Variants in KIAA1328 observed in about 807,000 individuals in gnomAD.
KIAA1328 encodes the protein protein hinderin.
KIAA1328 carries 52 observed loss-of-function variants against 68.1 expected under a neutral mutation model. The observed-to-expected ratio is 0.76, with a 90% CI of 0.61 to 0.96. The LOEUF is 0.96. KIAA1328 is among the 40% of genes least tolerant of loss of function. KIAA1328 has a pLI of 0.00. For synonymous variants in KIAA1328, 232 were observed against 239.4 expected (o/e 0.97, Z 0.28); for missense variants, 641 against 677.6 (o/e 0.95, Z 0.60).
chr18:36,903,283 C>T (rs1272636484), intron 5 of KIAA1328, among the ~76,000 whole-genome samples: 1 of 151,932 alleles, frequency 6.6e-6, no homozygotes, highest in Admixed American at 6.6e-5. Flanking sequence ...GAATTTTGTA[C>T]CAATTTTATT....
intron 5 of KIAA1328, among the ~76,000 whole-genome samples, chr18:36,947,817 G>A (rs543165336): frequency 3.1e-4 from 47 of 152,152 alleles, no homozygotes; most frequent in African/African-American, 1.0e-3. Context: ...TATATTTTGG[G>A]GTAAAACACT....
intron 6 of KIAA1328, among the ~76,000 whole-genome samples, chr18:36,974,399 G>A (rs1488208730): frequency 6.6e-6 from 1 of 151,990 alleles, no homozygotes; most frequent in Non-Finnish European, 1.5e-5. Context: ...GAGAACATGT[G>A]GTATTTTTCA....
intron 5 of KIAA1328, among the ~76,000 whole-genome samples, chr18:36,957,605 T>G (rs1485208328): frequency 6.6e-6 from 1 of 152,024 alleles, no homozygotes; most frequent in Non-Finnish European, 1.5e-5. Context: ...AGTAGGGAGG[T>G]ATGTGTTCAG....
Position 36,992,762 on chromosome 18 carries a change from G to A in KIAA1328, c.576+33327G>A, listed in dbSNP as rs140173953. Among the ~76,000 whole-genome samples the A allele has an allele frequency of 3.7e-3, 567 of 152,278 alleles. 2 individuals are homozygous for A. Among genetic ancestry groups the A allele is most frequent in the Non-Finnish European group, 5.9e-3 (399 of 68,012 alleles). On this transcript the variant is annotated intron_variant, in intron 6 of 9. Transcript: ENST00000280020. ...CCAGAGGATGAATGTTCCTGGCAGAGGGTGTAGCAGGTATTCCTGACAACT... is the reference window on the plus strand; with the variant it reads ...CCAGAGGATGAATGTTCCTGGCAGAAGGTGTAGCAGGTATTCCTGACAACT...
intron 9 of KIAA1328, among the ~76,000 whole-genome samples, chr18:37,178,787 A>G (rs112842997): frequency 2.0e-4 from 31 of 152,180 alleles, no homozygotes; most frequent in Middle Eastern, 3.4e-3. Flanking sequence ...GAGCAAAGTG[A>G]TATTTCATTG....
At chr18:37,193,490 G>C (rs2059946229) in intron 9 of KIAA1328, 1 of 652,060 alleles carries the variant, frequency 1.5e-6, no homozygotes, top group Non-Finnish European at 2.8e-6. Context: ...AAAACTTTGA[G>C]ACTCAGGAAA....
chr18:36,865,404 A>G (rs1409772222), intron 4 of KIAA1328, among the ~76,000 whole-genome samples: 2 of 152,100 alleles, frequency 1.3e-5, no homozygotes, highest in Non-Finnish European at 2.9e-5. Flanking sequence ...TAGTTCTATT[A>G]TGAATAGAGA....
intron 6 of KIAA1328, among the ~76,000 whole-genome samples, chr18:37,062,226 G>A (rs1193570005): frequency 6.6e-6 from 1 of 152,002 alleles, no homozygotes; most frequent in Admixed American, 6.6e-5. Context: ...ATTCACTTTA[G>A]AAGAAGTTTA....
intron 7 of KIAA1328, among the ~76,000 whole-genome samples, chr18:37,071,057 CT>C (rs58722044): frequency 7.3e-4 from 63 of 86,834 alleles, no homozygotes; most frequent in African/African-American, 9.6e-4. Context: ...TTTTTTCTTC[CT>C]TTTTTTTTTT....
chr18:36,944,298 G>A (rs374357535), intron 5 of KIAA1328, among the ~76,000 whole-genome samples: 1 of 151,956 alleles, frequency 6.6e-6, no homozygotes, highest in African/African-American at 2.4e-5. Context: ...GGTCATGGGG[G>A]CCAGGCGCGG....
At chr18:36,927,505 G>A (rs1166018759) in intron 5 of KIAA1328, among the ~76,000 whole-genome samples, 1 of 152,196 alleles carries the variant, frequency 6.6e-6, no homozygotes, top group African/African-American at 2.4e-5. Flanking sequence ...TCAACACTTT[G>A]GAAGGCTGCT....
chr18:37,193,803 T>A, intron 9 of KIAA1328: 1 of 595,034 alleles, frequency 1.7e-6, no homozygotes, highest in East Asian at 2.8e-5. Context: ...GGGTATATTT[T>A]CTGAAAAGTG....
At chr18:37,146,708 A>T (rs1312626986) in intron 7 of KIAA1328, among the ~76,000 whole-genome samples, 3 of 152,186 alleles carry the variant, frequency 2.0e-5, no homozygotes, top group Non-Finnish European at 2.9e-5. Flanking sequence ...TGATTTCTGT[A>T]GAGATTACAA....
chr18:37,121,238 A>G (rs1160186777), intron 7 of KIAA1328, among the ~76,000 whole-genome samples: 1 of 152,168 alleles, frequency 6.6e-6, no homozygotes, highest in Non-Finnish European at 1.5e-5. Flanking sequence ...ATATCCAACC[A>G]TTTGAAAAAC....
intron 6 of KIAA1328, among the ~76,000 whole-genome samples, chr18:37,031,972 GC>G (rs1208603356): frequency 4.6e-5 from 7 of 152,002 alleles, no homozygotes; most frequent in Admixed American, 4.6e-4. Flanking sequence ...TTCAAGACCA[GC>G]CTGGGCAACA....
intron 6 of KIAA1328, among the ~76,000 whole-genome samples, chr18:37,007,855 C>G (rs112630164): frequency 2.4e-4 from 36 of 152,274 alleles, no homozygotes; most frequent in African/African-American, 8.7e-4. Context: ...TATAAGTAAA[C>G]AAAAGCAGTC....
In KIAA1328 at chr18:37,078,170, C is replaced by T. The variant is rs1211376232; in HGVS notation, c.1232+10625C>T. 2.6e-3 allele frequency among the ~76,000 whole-genome samples: 401 copies of T among 152,074 alleles called. 5 individuals carry two copies. The East Asian group carries it at 0.039, about 15-fold the overall frequency. Reference sequence around the variant, plus strand: ...AACAGAACAGAGCCCTCAGAAATAACGCCACATATCTACAACTATCTGATC... The same window carrying T: ...AACAGAACAGAGCCCTCAGAAATAATGCCACATATCTACAACTATCTGATC... On this transcript the variant is annotated intron_variant, in intron 7 of 9. Transcript: ENST00000280020.
intron 7 of KIAA1328, among the ~76,000 whole-genome samples, chr18:37,153,853 CT>C (rs146159633): frequency 0.28 from 32,577 of 115,170 alleles, 5,674 homozygotes; most frequent in African/African-American, 0.55. Context: ...TGTTCTTTTT[CT>C]TTTAAAAAAA....
chr18:36,989,960 T>TG (rs934116877), intron 6 of KIAA1328, among the ~76,000 whole-genome samples: 100 of 152,304 alleles, frequency 6.6e-4, no homozygotes, highest in African/African-American at 2.4e-3. Flanking sequence ...CCCAAAGTGC[T>TG]GGGAGTACAG....
Sources: gnomAD v4.1 joint callset for allele counts (sites outside exome capture counted in the v4.1 genomes callset) on GRCh38, gnomAD v4.1.1 for gene constraint, MANE v1.5 for transcripts, NCBI Gene and HGNC (gene_info 2026-07-23, HGNC 2026-07-21) for gene names.